The following TANGO6 variants were observed in gnomAD, a reference collection of about 807,000 sequenced individuals.
TANGO6 encodes transport and golgi organization 6 homolog.
A neutral mutation model predicts 114.2 loss-of-function variants in TANGO6; 90 were observed. That is an observed-to-expected ratio of 0.79 (90% CI 0.66 to 0.94). The LOEUF is 0.94. Among genes scored for constraint, TANGO6 ranks in the 40% least tolerant of loss-of-function variants. The pLI, the probability that TANGO6 is intolerant of heterozygous loss-of-function variation, is 0.00. For missense variants in TANGO6, 1,274 were observed against 1,315.3 expected (o/e 0.97, Z 0.49); for synonymous variants, 477 against 509.8 (o/e 0.94, Z 0.87).
At chr16:69,016,431 A>G (rs1959299255) in intron 15 of TANGO6, among the ~76,000 whole-genome samples, 1 of 152,100 alleles carries the variant, frequency 6.6e-6, no homozygotes, top group Non-Finnish European at 1.5e-5. Flanking sequence ...GGATGAATGA[A>G]TGAGATACCT....
At chr16:68,880,718 T>A in intron 7 of TANGO6, 88 bp downstream of exon 7, 1 of 851,182 alleles carries the variant, frequency 1.2e-6, no homozygotes, top group Non-Finnish European at 1.7e-6. Flanking sequence ...GATGGTGGGG[T>A]CTCACCACGT....
intron 7 of TANGO6, among the ~76,000 whole-genome samples, chr16:68,890,359 C>T (rs937278396): frequency 4.6e-5 from 7 of 152,110 alleles, no homozygotes; most frequent in African/African-American, 1.4e-4. Context: ...GTCCTTATGC[C>T]AAAAGCTTGA....
Position 68,866,420 on chromosome 16 carries a change from G to A in TANGO6, c.853-659G>A, listed in dbSNP as rs1343351363. On this transcript the variant is annotated intron_variant, in intron 3 of 17. Coordinates refer to ENST00000261778, the MANE Select transcript of TANGO6 (RefSeq NM_024562.2). Reference sequence around the variant, plus strand: ...GGGTGGATCATGAGGTCAGGAGATCGAGACCATCCTGGCTAACAAGGTGAA... The same window carrying A: ...GGGTGGATCATGAGGTCAGGAGATCAAGACCATCCTGGCTAACAAGGTGAA... Among the ~76,000 whole-genome samples, 12 of 149,552 alleles carry A rather than the reference G, an allele frequency of 8.0e-5. 1 individual carries two copies. The highest frequency in any genetic ancestry group is 1.5e-4 in the Non-Finnish European group (10 of 67,548).
At position 68,860,213 on chromosome 16, in the gene TANGO6, C is replaced by T. The variant is rs1962069149; in HGVS notation, c.424C>T (p.Gln142Ter). 1.9e-6 allele frequency: 3 copies of T among 1,614,032 alleles called. No homozygotes were observed. Among genetic ancestry groups the T allele is most frequent in the Non-Finnish European group, 2.5e-6 (3 of 1,179,896 alleles). ...CCCCGATGCACTTAGTATCTCACAACAGAAGACTGTCCAGTTCGTTTTGCA... is the reference window on the plus strand; with the variant it reads ...CCCCGATGCACTTAGTATCTCACAATAGAAGACTGTCCAGTTCGTTTTGCA... ...LSPDALSISQ[Q>*]KTVQFVLQFV... The change falls in exon 2 of 18, where the codon CAG (glutamine) becomes TAG (stop). Residue 142 changes from glutamine to a stop codon, truncating the protein, a stop_gained. Transcript: ENST00000261778. LOFTEE classifies it high-confidence loss of function.
At position 68,875,281 on chromosome 16, in the gene TANGO6, C is replaced by T; in HGVS notation, c.1122C>T (p.Ile374=). 6.2e-7 allele frequency: 1 copy of T among 1,612,810 alleles called. No individual in the cohort carries two copies. Among genetic ancestry groups the T allele is most frequent in the Non-Finnish European group, 8.5e-7 (1 of 1,179,136 alleles). ...SLSPENYYRD[I]CPQVLDLFHF... is the part of the protein sequence containing the mutation. The stretch of plus-strand genomic sequence containing the variant: ...CACCAGAGAATTACTACAGGGACAT[C>T]TGCCCCCAGGTAAATCTTTTTGTTT... Residue 374 remains isoleucine (I), a synonymous_variant, in exon 5 of 18, where the codon ATC becomes ATT. Coordinates refer to ENST00000261778, the MANE Select transcript of TANGO6 (RefSeq NM_024562.2).
intron 15 of TANGO6, among the ~76,000 whole-genome samples, chr16:68,977,929 G>A (rs577254789): frequency 2.3e-4 from 35 of 152,030 alleles, no homozygotes; most frequent in Middle Eastern, 3.4e-3. Context: ...CAGGTGATCC[G>A]CCTGCCTTGG....
chr16:68,910,275 C>G (rs1262037542), intron 11 of TANGO6, among the ~76,000 whole-genome samples: 1 of 152,224 alleles, frequency 6.6e-6, no homozygotes, highest in Non-Finnish European at 1.5e-5. Flanking sequence ...CCTGTCAGCT[C>G]TGACTTACCG....
chr16:68,922,000 G>C (rs1001319578), intron 12 of TANGO6, among the ~76,000 whole-genome samples: 2 of 152,150 alleles, frequency 1.3e-5, no homozygotes, highest in Admixed American at 6.6e-5. Context: ...AGAAAAAAAT[G>C]TCATGGTTCT....
intron 14 of TANGO6, among the ~76,000 whole-genome samples, chr16:68,956,937 A>G (rs1053607483): frequency 2.6e-5 from 4 of 152,132 alleles, no homozygotes; most frequent in Admixed American, 6.6e-5. Flanking sequence ...GACTTGCTTT[A>G]TTGGGATTCA....
chr16:69,075,224 T>A (rs965096081), intron 17 of TANGO6, among the ~76,000 whole-genome samples: 5 of 151,562 alleles, frequency 3.3e-5, no homozygotes. Flanking sequence ...TCTCAACTTG[T>A]CATGATGTTT....
At chr16:68,879,139 C>A (rs1010939245) in intron 6 of TANGO6, among the ~76,000 whole-genome samples, 6 of 151,986 alleles carry the variant, frequency 3.9e-5, no homozygotes, top group Non-Finnish European at 8.8e-5. Flanking sequence ...TATTATAAAA[C>A]TTTAAAAACT....
chr16:68,931,569 A>G (rs1456888688), intron 14 of TANGO6, among the ~76,000 whole-genome samples: 1 of 152,262 alleles, frequency 6.6e-6, no homozygotes, highest in Non-Finnish European at 1.5e-5. Context: ...ATTATTGGCT[A>G]TAAAAATGAA....
intron 1 of TANGO6, among the ~76,000 whole-genome samples, chr16:68,849,917 A>G (rs948709802): frequency 3.3e-5 from 5 of 151,304 alleles, no homozygotes; most frequent in African/African-American, 4.9e-5. Context: ...CCTTCATTCT[A>G]TAGTTACAAT....
chr16:68,975,998 G>A (rs564382026), intron 15 of TANGO6, among the ~76,000 whole-genome samples: 24 of 151,706 alleles, frequency 1.6e-4, no homozygotes, highest in East Asian at 1.6e-3. Context: ...TCATTGGCAC[G>A]GTCATGGCTC....
In TANGO6 at chr16:69,083,802, T is replaced by A. The variant is rs1404124636; in HGVS notation, c.*141T>A. ...GGGGTGGTTTTATGGTGCAGGTCAC[T>A]TGGGTCTTCAGGGTCCCTTCCGAGG... On this transcript the variant is annotated 3_prime_UTR_variant, in exon 18 of 18. Coordinates refer to ENST00000261778, the MANE Select transcript of TANGO6 (RefSeq NM_024562.2). The A allele has an allele frequency of 5.5e-6, 5 of 905,902 alleles. No individual in the cohort carries two copies. The highest frequency in any genetic ancestry group is 8.1e-6 in the Non-Finnish European group (5 of 614,934). The allele number at this position is 905,902 out of a possible 1,614,324, so 56.1% of individuals were successfully genotyped here. A position where few individuals can be genotyped will look rare whatever the true frequency, so the allele number is the denominator to read the frequency against.
At chr16:69,039,052 G>A (rs1230826645) in intron 16 of TANGO6, among the ~76,000 whole-genome samples, 6 of 152,166 alleles carry the variant, frequency 3.9e-5, no homozygotes, top group African/African-American at 1.4e-4. Flanking sequence ...AGGTGTGGTG[G>A]CGGATGCCTG....
intron 4 of TANGO6, among the ~76,000 whole-genome samples, chr16:68,870,794 A>G (rs1962254216): frequency 6.8e-6 from 1 of 147,822 alleles, no homozygotes; most frequent in African/African-American, 2.5e-5. Context: ...TCTACTGGCA[A>G]TGAATTTCTT....
intron 4 of TANGO6, chr16:68,867,465 G>T (rs567975045): frequency 4.8e-6 from 2 of 415,158 alleles, no homozygotes; most frequent in African/African-American, 2.0e-5. Context: ...AATATTGTAA[G>T]CCATTTCAAA....
At position 68,927,744 on chromosome 16, in the gene TANGO6, C is replaced by T; in HGVS notation, c.2304C>T (p.Asn768=). Residue 768 remains asparagine, a synonymous_variant, in exon 13 of 18, where the codon AAC becomes AAT. Transcript: ENST00000261778. ...GCATGGCTGCCCAAAGTACACTGAA[C>T]AGAAAAGATCTGGAAGGGAAAATAG... ...AVSMAAQSTL[N]RKDLEGKIEE... 6.2e-7 allele frequency: 1 copy of T among 1,613,890 alleles called. No homozygotes were observed. Among genetic ancestry groups the T allele is most frequent in the Non-Finnish European group, 8.5e-7 (1 of 1,179,882 alleles).
Sources: allele counts gnomAD v4.1 joint callset (sites outside exome capture counted in the v4.1 genomes callset), GRCh38; gene constraint gnomAD v4.1.1; transcripts MANE v1.5; gene names NCBI Gene and HGNC (gene_info 2026-07-23, HGNC 2026-07-21).